Variants in MYRFL observed in about 807,000 individuals in gnomAD.
MYRFL encodes the protein myelin regulatory factor-like protein.
MYRFL carries 88 observed loss-of-function variants against 109.4 expected under a neutral mutation model. That is an observed-to-expected ratio of 0.80 (90% CI 0.68 to 0.96). MYRFL has a LOEUF of 0.96. Among genes scored for constraint, MYRFL ranks in the 40% least tolerant of loss-of-function variants. MYRFL has a pLI of 0.00. For synonymous variants in MYRFL, 324 were observed against 320.9 expected (o/e 1.01, Z -0.10); for missense variants, 957 against 954.9 (o/e 1.00, Z -0.03).
chr12:69,938,411 T>C (rs1280956612), intron 19 of MYRFL, among the ~76,000 whole-genome samples: 1 of 152,136 alleles, frequency 6.6e-6, no homozygotes, highest in Non-Finnish European at 1.5e-5. Flanking sequence ...TTTTCAAGGG[T>C]TTCTTGACCT....
intron 16 of MYRFL, among the ~76,000 whole-genome samples, chr12:69,933,926 A>T (rs1206985174): frequency 6.6e-6 from 1 of 152,092 alleles, no homozygotes; most frequent in Non-Finnish European, 1.5e-5. Context: ...GATGGTAGGT[A>T]TTGGGTTTGT....
chr12:69,862,020 G>T (rs1450497085), intron 2 of MYRFL, among the ~76,000 whole-genome samples: 6 of 147,170 alleles, frequency 4.1e-5, no homozygotes, highest in African/African-American at 1.5e-4. Context: ...TTTCCCCATT[G>T]CTTGTTTTTG....
intron 1 of MYRFL, among the ~76,000 whole-genome samples, chr12:69,838,266 C>T (rs1346489427): frequency 6.6e-6 from 1 of 152,146 alleles, no homozygotes; most frequent in Non-Finnish European, 1.5e-5. Context: ...TGAGCCAACT[C>T]ACCTGCAGCG....
chr12:69,945,482 C>T (rs1755744720), intron 19 of MYRFL, among the ~76,000 whole-genome samples: 1 of 152,124 alleles, frequency 6.6e-6, no homozygotes, highest in Non-Finnish European at 1.5e-5. Flanking sequence ...AGGTTTGCAG[C>T]CAAGAAGCAA....
intron 13 of MYRFL, among the ~76,000 whole-genome samples, chr12:69,912,380 A>G (rs1390704545): frequency 2.0e-5 from 3 of 152,218 alleles, no homozygotes; most frequent in African/African-American, 7.2e-5. Context: ...TACGTTCATC[A>G]TGTTATACAA....
intron 13 of MYRFL, among the ~76,000 whole-genome samples, chr12:69,914,439 G>T (rs1954669933): frequency 6.6e-6 from 1 of 152,174 alleles, no homozygotes; most frequent in Non-Finnish European, 1.5e-5. Flanking sequence ...GGCTTATGGG[G>T]TTACCCTCTG....
At chr12:69,926,467 C>T in intron 13 of MYRFL, 104 bp from the exon 14 acceptor site, 1 of 970,216 alleles carries the variant, frequency 1.0e-6, no homozygotes, top group Non-Finnish European at 1.4e-6. Flanking sequence ...TGTCTGTAAC[C>T]ATTTTCAACA....
intron 13 of MYRFL, among the ~76,000 whole-genome samples, chr12:69,926,117 CTTTTTTTTT>C (rs147973443): frequency 1.2e-5 from 1 of 84,852 alleles, no homozygotes; most frequent in Non-Finnish European, 2.2e-5. Context: ...TCTTCTTCTT[CTTTTTTTTT>C]TTTTTTTTTT....
chr12:69,902,147 G>C (rs1430016803), intron 10 of MYRFL, among the ~76,000 whole-genome samples: 1 of 152,086 alleles, frequency 6.6e-6, no homozygotes, highest in Non-Finnish European at 1.5e-5. Flanking sequence ...ACACACCTCA[G>C]CCTCCCAAAG....
chr12:69,943,711 C>T (rs1371717472), intron 19 of MYRFL, among the ~76,000 whole-genome samples: 3 of 141,968 alleles, frequency 2.1e-5, no homozygotes, highest in Non-Finnish European at 4.6e-5. Context: ...AGAGCTTCTG[C>T]ACAGCAAAAG....
At position 69,905,476 on chromosome 12, in the gene MYRFL, A is replaced by C. The variant is rs969336261; in HGVS notation, c.1383+1632A>C. On this transcript the variant is annotated intron_variant, in intron 11 of 24. Coordinates refer to ENST00000552032, the MANE Select transcript of MYRFL (RefSeq NM_182530.3). ...CTTCCTGCTCATGGCAGCATGATAG[A>C]ATAAAGAAAATCCTGGTCCGTGGTT... 2.0e-5 allele frequency among the ~76,000 whole-genome samples: 3 copies of C among 152,180 alleles called. No individual in the cohort carries two copies. In the East Asian group the frequency reaches 5.8e-4, roughly 29 times the overall value.
chr12:69,936,902 T>A (rs1955486877), intron 19 of MYRFL, among the ~76,000 whole-genome samples: 1 of 152,306 alleles, frequency 6.6e-6, no homozygotes, highest in South Asian at 2.1e-4. Context: ...AGGATAGTAA[T>A]AGTAGCACAA....
chr12:69,874,940 CTTAAAGATATAAATGTATGTATCT>C (rs1885566534), intron 2 of MYRFL, among the ~76,000 whole-genome samples: 1 of 149,856 alleles, frequency 6.7e-6, no homozygotes, highest in Non-Finnish European at 1.5e-5. Flanking sequence ...TGCTGAGCTT[CTTAAAGATATAAATGTATGTATCT>C]TTAAAGATAT....
intron 2 of MYRFL, among the ~76,000 whole-genome samples, chr12:69,861,541 GTCT>G (rs1440691998): frequency 1.3e-5 from 2 of 149,498 alleles, no homozygotes; most frequent in African/African-American, 4.8e-5. Context: ...CTGCATAAAT[GTCT>G]TCTTCTGAGA....
At chr12:69,916,617 A>G (rs1326116197) in intron 13 of MYRFL, among the ~76,000 whole-genome samples, 1 of 152,110 alleles carries the variant, frequency 6.6e-6, no homozygotes, top group East Asian at 1.9e-4. Context: ...TTCCTTAAAA[A>G]CAAAGCAAAA....
intron 1 of MYRFL, among the ~76,000 whole-genome samples, chr12:69,840,535 G>A (rs1883187237): frequency 6.6e-6 from 1 of 152,162 alleles, no homozygotes; most frequent in Admixed American, 6.5e-5. Flanking sequence ...TGACTTCCCT[G>A]TGCTCCCCTC....
chr12:69,866,170 A>G (rs949324425), intron 2 of MYRFL, among the ~76,000 whole-genome samples: 14 of 152,128 alleles, frequency 9.2e-5, no homozygotes, highest in African/African-American at 2.9e-4. Context: ...AATACATGAA[A>G]TGTGTCTAAA....
intron 2 of MYRFL, among the ~76,000 whole-genome samples, chr12:69,864,484 A>G (rs935748212): frequency 2.0e-5 from 3 of 152,160 alleles, no homozygotes; most frequent in Non-Finnish European, 4.4e-5. Context: ...CTCCTAAGAC[A>G]GAGAGTGAAA....
At chr12:69,934,192 G>A (rs1955372670) in intron 16 of MYRFL, among the ~76,000 whole-genome samples, 1 of 152,210 alleles carries the variant, frequency 6.6e-6, no homozygotes, top group Admixed American at 6.5e-5. Flanking sequence ...TGGACTCACA[G>A]CAGTGGTGCC....
Sources: allele counts gnomAD v4.1 joint callset (sites outside exome capture counted in the v4.1 genomes callset), GRCh38; gene constraint gnomAD v4.1.1; transcripts MANE v1.5; gene names NCBI Gene and HGNC (gene_info 2026-07-23, HGNC 2026-07-21).